PCDH15: variants seen among roughly 807,000 people sequenced by gnomAD.
PCDH15 encodes the protein protocadherin-15.
PCDH15 carries 129 observed loss-of-function variants against 178.5 expected under a neutral mutation model. The observed-to-expected ratio is 0.72, with a 90% confidence interval of 0.63 to 0.84. The LOEUF (loss-of-function observed/expected upper bound fraction) is 0.84, where lower values mean the gene tolerates loss of function less well. Ranked by LOEUF, PCDH15 falls within the 40% of genes least tolerant of loss-of-function variation. The pLI is 0.00. For missense variants in PCDH15, 2,230 were observed against 2,099.9 expected (o/e 1.06, Z -1.21); for synonymous variants, 800 against 732.0 (o/e 1.09, Z -1.50).
intron 2 of PCDH15, among the ~76,000 whole-genome samples, chr10:55,051,487 C>CA (rs1455373457): frequency 1.3e-5 from 2 of 151,982 alleles, no homozygotes; most frequent in Admixed American, 6.6e-5. Flanking sequence ...TAAAATGATA[C>CA]AAAAAAGTAT....
chr10:55,095,541 T>A (rs1239071866), intron 2 of PCDH15, among the ~76,000 whole-genome samples: 2 of 152,082 alleles, frequency 1.3e-5, no homozygotes, highest in African/African-American at 2.4e-5. Flanking sequence ...TCTTTCTACC[T>A]CAAAATAAAC....
chr10:54,936,849 T>C (rs896279741), intron 2 of PCDH15, among the ~76,000 whole-genome samples: 3 of 151,982 alleles, frequency 2.0e-5, no homozygotes, highest in East Asian at 3.9e-4. Context: ...ATTTTTAATT[T>C]TGATGTAGTC....
intron 2 of PCDH15, among the ~76,000 whole-genome samples, chr10:55,326,638 A>G (rs534161861): frequency 6.6e-6 from 1 of 152,294 alleles, no homozygotes; most frequent in East Asian, 1.9e-4. Flanking sequence ...AGTAGTTAGC[A>G]AATAAACAGT....
At chr10:55,130,601 T>C (rs1838013548) in intron 2 of PCDH15, among the ~76,000 whole-genome samples, 1 of 151,804 alleles carries the variant, frequency 6.6e-6, no homozygotes, top group South Asian at 2.1e-4. Flanking sequence ...ATAGGTAAGG[T>C]GGAAATAATT....
intron 2 of PCDH15, among the ~76,000 whole-genome samples, chr10:55,046,086 G>A (rs1840996597): frequency 1.3e-5 from 2 of 151,968 alleles, no homozygotes; most frequent in Admixed American, 1.3e-4. Flanking sequence ...TATGTACTAT[G>A]TACTAAGCAT....
intron 2 of PCDH15, among the ~76,000 whole-genome samples, chr10:54,546,783 T>C (rs2085904021): frequency 6.6e-6 from 1 of 152,182 alleles, no homozygotes; most frequent in African/African-American, 2.4e-5. Context: ...AGTTGTCATT[T>C]CATCTGATAC....
At chr10:54,502,240 T>C (rs781026142) in intron 3 of PCDH15, among the ~76,000 whole-genome samples, 3 of 152,146 alleles carry the variant, frequency 2.0e-5, no homozygotes, top group Non-Finnish European at 4.4e-5. Context: ...GGTATTAGAA[T>C]ATATATTCAT....
intron 17 of PCDH15, 84 bp from the exon 18 acceptor site, chr10:54,066,969 A>G (rs1590211929): frequency 7.4e-7 from 1 of 1,355,112 alleles, no homozygotes; most frequent in South Asian, 1.3e-5. Context: ...GCATTTGTCT[A>G]TCTGAAAAGC....
chr10:54,219,656 C>T (rs1467797271), intron 9 of PCDH15, among the ~76,000 whole-genome samples: 2 of 139,872 alleles, frequency 1.4e-5, no homozygotes, highest in Non-Finnish European at 3.1e-5. Context: ...TGTGAACTTA[C>T]ATGAATTCTG....
At chr10:55,420,813 A>G (rs1179588320) in intron 2 of PCDH15, among the ~76,000 whole-genome samples, 2 of 151,772 alleles carry the variant, frequency 1.3e-5, no homozygotes, top group African/African-American at 4.8e-5. Context: ...AGTATTTACT[A>G]TATGTCAAGC....
chr10:54,527,428 G>A (rs1043259461), intron 3 of PCDH15, among the ~76,000 whole-genome samples: 1 of 152,030 alleles, frequency 6.6e-6, no homozygotes, highest in Admixed American at 6.6e-5. Context: ...CCAGATCCCA[G>A]CCAATAGAAG....
At chr10:54,510,408 T>C (rs2081549956) in intron 3 of PCDH15, among the ~76,000 whole-genome samples, 1 of 152,194 alleles carries the variant, frequency 6.6e-6, no homozygotes, top group South Asian at 2.1e-4. Context: ...ATGTGATTAA[T>C]TCTCTCTACT....
At chr10:54,721,384 G>A (rs941976297) in intron 1 of PCDH15, among the ~76,000 whole-genome samples, 7 of 151,778 alleles carry the variant, frequency 4.6e-5, no homozygotes, top group Admixed American at 6.6e-5. Flanking sequence ...AAAGATTATA[G>A]TAAAACTAAA....
chr10:54,496,294 G>T (rs2080104033), intron 3 of PCDH15, among the ~76,000 whole-genome samples: 1 of 152,014 alleles, frequency 6.6e-6, no homozygotes, highest in Non-Finnish European at 1.5e-5. Context: ...TCCTGGAGAG[G>T]AAGTCCTTTG....
chr10:54,317,509 C>T (rs1384569040), intron 7 of PCDH15, 68 bp from the exon 8 acceptor site: 1 of 1,568,118 alleles, frequency 6.4e-7, no homozygotes, highest in Non-Finnish European at 8.8e-7. Context: ...GAGCAGTGGC[C>T]CATACCTGTA....
Position 53,908,461 on chromosome 10 carries a change from A to T in PCDH15, c.3374-5091T>A, listed in dbSNP as rs141704052. On this transcript the variant is annotated intron_variant, in intron 25 of 37. Transcript: ENST00000644397. ...CAAAATATGCTGTAATTATTTGATCACACATTGGTTATACTCTTTTTTGAC... is the reference window on the plus strand; with the variant it reads ...CAAAATATGCTGTAATTATTTGATCTCACATTGGTTATACTCTTTTTTGAC... Among the ~76,000 whole-genome samples, 19 of 152,346 alleles carry T rather than the reference A, an allele frequency of 1.2e-4. No homozygotes were observed. The East Asian group carries it at 3.7e-3, about 29-fold the overall frequency.
At chr10:55,403,085 T>C (rs75152661) in intron 2 of PCDH15, among the ~76,000 whole-genome samples, 1,577 of 152,184 alleles carry the variant, frequency 0.01, 28 homozygotes, top group African/African-American at 0.035. Flanking sequence ...ATGTTGACTG[T>C]TAACGGATTG....
chr10:54,147,016 T>TGTATATAGTGTATATATAAC (rs1564531151), intron 14 of PCDH15, among the ~76,000 whole-genome samples: 1 of 79,238 alleles, frequency 1.3e-5, no homozygotes, highest in African/African-American at 5.8e-5. Flanking sequence ...GTATATATAA[T>TGTATATAGTGTATATATAAC]GTGTATATAT....
chr10:54,172,832 A>T (rs1283617154), intron 13 of PCDH15, among the ~76,000 whole-genome samples: 1 of 152,204 alleles, frequency 6.6e-6, no homozygotes, highest in Non-Finnish European at 1.5e-5. Context: ...CTAAGCATTA[A>T]TTATTGAAAC....
Sources: gnomAD v4.1 joint callset for allele counts (sites outside exome capture counted in the v4.1 genomes callset) on GRCh38, gnomAD v4.1.1 for gene constraint, MANE v1.5 for transcripts, NCBI Gene and HGNC (gene_info 2026-07-23, HGNC 2026-07-21) for gene names.